The following KAT2B variants were observed in gnomAD, a reference collection of about 807,000 sequenced individuals.
KAT2B encodes lysine acetyltransferase 2B.
KAT2B carries 36 observed loss-of-function variants against 105.9 expected under a neutral mutation model. The observed-to-expected ratio is 0.34, with a 90% CI of 0.26 to 0.45. The LOEUF (loss-of-function observed/expected upper bound fraction) is 0.45. KAT2B is among the 20% of genes least tolerant of loss of function. The pLI is 1.00. For synonymous variants in KAT2B, 397 were observed against 377.9 expected (o/e 1.05, Z -0.59); for missense variants, 820 against 1,021.6 (o/e 0.80, Z 2.69).
At chr3:20,119,513 G>T (rs1318790887) in intron 7 of KAT2B, 85 bp from the exon 8 acceptor site, 1 of 1,420,910 alleles carries the variant, frequency 7.0e-7, no homozygotes, top group Non-Finnish European at 9.9e-7. Flanking sequence ...GGGCAGGAGT[G>T]GGGTGGTCCC....
chr3:20,118,182 AT>A (rs1699238499), intron 7 of KAT2B, among the ~76,000 whole-genome samples: 1 of 147,136 alleles, frequency 6.8e-6, no homozygotes, highest in African/African-American at 2.5e-5. Flanking sequence ...AATATATTAT[AT>A]AGTTTAAATT....
At chr3:20,064,247 G>T (rs1377033256) in intron 1 of KAT2B, among the ~76,000 whole-genome samples, 1 of 152,050 alleles carries the variant, frequency 6.6e-6, no homozygotes, top group Non-Finnish European at 1.5e-5. Context: ...ATATTGATGG[G>T]GGCATAGTGT....
intron 2 of KAT2B, among the ~76,000 whole-genome samples, chr3:20,094,415 A>G (rs919497330): frequency 5.3e-5 from 8 of 152,134 alleles, no homozygotes; most frequent in African/African-American, 1.9e-4. Context: ...TTGCAATTTG[A>G]GATGATGTTT....
At chr3:20,151,266 C>G (rs1317042465) in intron 17 of KAT2B, among the ~76,000 whole-genome samples, 2 of 152,142 alleles carry the variant, frequency 1.3e-5, no homozygotes, top group Non-Finnish European at 2.9e-5. Flanking sequence ...TTCTTTGATG[C>G]TTTTGTGGTG....
rs1575140544 is a variant in KAT2B, at chr3:20,111,792, G to T, written c.1043+5G>T. 1.2e-6 allele frequency: 2 copies of T among 1,609,298 alleles called. No individual in the cohort carries two copies. The highest frequency in any genetic ancestry group is 4.5e-5 in the East Asian group (2 of 44,734). On this transcript the variant is annotated splice_donor_5th_base_variant and intron_variant, in intron 6 of 17. Transcript: ENST00000263754. ...AATCCTCACTCATTTCCCAAAGTAA[G>T]GGAGAGTTTTTGCTGGTCTTTGTTT...
At position 20,147,959 on chromosome 3, in the gene KAT2B, A is replaced by AT; in HGVS notation, c.2120-3dup. 6.2e-7 allele frequency: 1 copy of AT among 1,613,520 alleles called. No homozygotes were observed. The highest frequency in any genetic ancestry group is 8.5e-7 in the Non-Finnish European group (1 of 1,179,580). On this transcript the variant is annotated splice_region_variant and splice_polypyrimidine_tract_variant and intron_variant, in intron 14 of 17. Transcript: ENST00000263754. The stretch of plus-strand genomic sequence containing the variant: ...ATTCAGTGTTTCACTTTGTTGACGT[A>AT]TAGGAGAGACAGGCTGGAAACCGAG...
rs532451597 is a variant in KAT2B at position 20,107,621 on chromosome 3, C to T, written c.852-3975C>T. ...GCAGTGAGTCGAGATCATGCCATTG[C>T]CCTCCAGCCTGGGGCACAGAGCAAT... On this transcript the variant is annotated intron_variant, in intron 5 of 17. Transcript: ENST00000263754. 7.7e-5 allele frequency among the ~76,000 whole-genome samples: 11 copies of T among 143,550 alleles called. No homozygotes were observed. In the South Asian group the frequency reaches 1.8e-3, roughly 23 times the overall value. 94.2% of individuals were successfully genotyped at this position (143,550 alleles called of 152,430 possible). A position where few individuals can be genotyped will look rare whatever the true frequency, so the allele number is the denominator to read the frequency against.
intron 1 of KAT2B, among the ~76,000 whole-genome samples, chr3:20,042,966 C>T (rs368789750): frequency 6.6e-6 from 1 of 151,640 alleles, no homozygotes; most frequent in African/African-American, 2.4e-5. Context: ...GTGGCATGAT[C>T]GTAGCTCACT....
intron 2 of KAT2B, among the ~76,000 whole-genome samples, chr3:20,090,255 G>A (rs75782282): frequency 1.3e-5 from 2 of 152,160 alleles, no homozygotes; most frequent in Non-Finnish European, 2.9e-5. Context: ...AGTGGCAAGG[G>A]TGGGTATATT....
chr3:20,108,783 T>A (rs1699067598), intron 5 of KAT2B, among the ~76,000 whole-genome samples: 1 of 152,170 alleles, frequency 6.6e-6, no homozygotes, highest in Non-Finnish European at 1.5e-5. Flanking sequence ...GAGCTCCACC[T>A]CCTGTCAGAT....
intron 5 of KAT2B, among the ~76,000 whole-genome samples, chr3:20,110,407 A>G (rs1699099304): frequency 6.6e-6 from 1 of 152,110 alleles, no homozygotes; most frequent in South Asian, 2.1e-4. Context: ...TTGGTAGCTC[A>G]TGCCTGTAAT....
At chr3:20,137,188 C>A in intron 12 of KAT2B, 136 bp downstream of exon 12, 1 of 593,008 alleles carries the variant, frequency 1.7e-6, no homozygotes, top group Non-Finnish European at 3.0e-6. Flanking sequence ...AGCCTTATGT[C>A]AAAAATAAGC....
In KAT2B at chr3:20,122,663, C is replaced by G. The variant is rs1444457194; in HGVS notation, c.1277-5C>G. The G allele has an allele frequency of 1.2e-6, 2 of 1,611,416 alleles. No homozygotes were observed. Among genetic ancestry groups the G allele is most frequent in the Admixed American group, 3.3e-5 (2 of 59,776 alleles). On this transcript the variant is annotated splice_polypyrimidine_tract_variant and splice_region_variant and intron_variant, in intron 8 of 17. Coordinates refer to ENST00000263754, the MANE Select transcript of KAT2B (RefSeq NM_003884.5). Reference sequence around the variant, plus strand: ...ATTGTTTGCCTTTTATTTTGATCATCATAGGAGAAAAGAGGAAAATGACTG... The same window carrying G: ...ATTGTTTGCCTTTTATTTTGATCATGATAGGAGAAAAGAGGAAAATGACTG...
chr3:20,062,058 A>C (rs1575110510), intron 1 of KAT2B, among the ~76,000 whole-genome samples: 1 of 101,450 alleles, frequency 9.9e-6, no homozygotes, highest in African/African-American at 3.9e-5. Context: ...CATATAATAT[A>C]TATTATATAT....
intron 2 of KAT2B, among the ~76,000 whole-genome samples, chr3:20,087,366 C>T (rs1014642974): frequency 1.3e-5 from 2 of 151,390 alleles, no homozygotes; most frequent in African/African-American, 2.4e-5. Flanking sequence ...TTATTTTTTT[C>T]GGTTTTATTA....
intron 2 of KAT2B, among the ~76,000 whole-genome samples, chr3:20,086,145 A>C (rs961246587): frequency 4.6e-5 from 7 of 151,942 alleles, no homozygotes; most frequent in African/African-American, 1.7e-4. Flanking sequence ...GATGGTATGC[A>C]CCTGTAGTCC....
chr3:20,104,810 C>G (rs748808946), intron 5 of KAT2B, among the ~76,000 whole-genome samples: 5 of 151,928 alleles, frequency 3.3e-5, no homozygotes, highest in Non-Finnish European at 5.9e-5. Flanking sequence ...TAAAAGCAGA[C>G]TGAACAGTAG....
intron 9 of KAT2B, 140 bp from the exon 10 acceptor site, chr3:20,125,765 G>C (rs1699391297): frequency 7.6e-6 from 5 of 660,900 alleles, no homozygotes; most frequent in Non-Finnish European, 1.3e-5. Flanking sequence ...GTGTATGTGT[G>C]CACACATGTG....
At chr3:20,041,817 G>C (rs1160257601) in intron 1 of KAT2B, among the ~76,000 whole-genome samples, 1 of 152,208 alleles carries the variant, frequency 6.6e-6, no homozygotes, top group East Asian at 1.9e-4. Flanking sequence ...CCAGATTCCC[G>C]ATTGTCACAA....
Sources: gnomAD v4.1 joint callset for allele counts (sites outside exome capture counted in the v4.1 genomes callset) on GRCh38, gnomAD v4.1.1 for gene constraint, MANE v1.5 for transcripts, NCBI Gene and HGNC (gene_info 2026-07-23, HGNC 2026-07-21) for gene names.